The following HSPA4 variants were observed in gnomAD, a reference collection of about 807,000 sequenced individuals.
HSPA4 encodes the protein heat shock protein family A (Hsp70) member 4, also known as heat shock 70 kDa protein 4.
In HSPA4, 25 loss-of-function variants were observed where a neutral mutation model predicts 106.2. That is an observed-to-expected ratio of 0.24 (90% CI 0.17 to 0.33). The LOEUF (loss-of-function observed/expected upper bound fraction) is 0.33. Ranked by LOEUF, HSPA4 falls within the 10% of genes least tolerant of loss-of-function variation. The probability of loss-of-function intolerance (pLI) is 1.00; values close to 1 mark genes in which losing one functional copy is unlikely to be tolerated. For missense variants in HSPA4, 841 were observed against 996.0 expected, an observed-to-expected ratio of 0.84 and a Z score of 2.10; for synonymous variants, 332 against 333.6, an observed-to-expected ratio of 1.00 and a Z score of 0.05.
intron 8 of HSPA4, among the ~76,000 whole-genome samples, chr5:133,088,191 A>G (rs1199465661): frequency 6.6e-6 from 1 of 152,172 alleles, no homozygotes; most frequent in East Asian, 1.9e-4. Flanking sequence ...AAATCCCACT[A>G]GCTACCCTTC....
intron 6 of HSPA4, among the ~76,000 whole-genome samples, chr5:133,074,797 A>G (rs1032436237): frequency 6.6e-6 from 1 of 152,230 alleles, no homozygotes; most frequent in African/African-American, 2.4e-5. Context: ...AGGAGGGGCC[A>G]GAGGGTGATT....
intron 7 of HSPA4, among the ~76,000 whole-genome samples, chr5:133,077,137 CA>C (rs1581472118): frequency 6.6e-6 from 1 of 152,302 alleles, no homozygotes; most frequent in East Asian, 1.9e-4. Context: ...TAGTTCTTTA[CA>C]TATGCATTTG....
In HSPA4 at chr5:133,106,221, T is replaced by G. The variant is rs1180304252; in HGVS notation, c.*1785T>G. The stretch of plus-strand genomic sequence containing the variant: ...TTCAAGTTGAAACACGATGATGTGG[T>G]CTGCTTGCTCTCTGCTTAGACAGGC... On this transcript the variant is annotated 3_prime_UTR_variant, in exon 19 of 19. Transcript: ENST00000304858. 2 of 140,646 alleles carry G rather than the reference T, an allele frequency of 1.4e-5. No individual in the cohort carries two copies. Among genetic ancestry groups the G allele is most frequent in the Non-Finnish European group, 3.0e-5 (2 of 66,020 alleles). The allele number at this position is 140,646 out of a possible 1,614,324, so 8.7% of individuals were successfully genotyped here. A position where few individuals can be genotyped will look rare whatever the true frequency, so the allele number is the denominator to read the frequency against.
intron 1 of HSPA4, among the ~76,000 whole-genome samples, chr5:133,058,686 CA>C (rs1360313657): frequency 6.7e-6 from 1 of 150,362 alleles, no homozygotes; most frequent in Admixed American, 6.6e-5. Flanking sequence ...CTCAAAACCC[CA>C]AAAACAAAAC....
rs562601942 is a variant in HSPA4, at chr5:133,077,327, C to T, written c.908+429C>T. 3.9e-5 allele frequency among the ~76,000 whole-genome samples: 6 copies of T among 152,136 alleles called. No individual in the cohort carries two copies. In the South Asian group the frequency reaches 8.3e-4, roughly 21 times the overall value. Reference sequence around the variant, plus strand: ...AATCTCAACTCACTGCAACCTCCACCCCCAGGTTCAAGCGATTCTCCTGCC... The same window carrying T: ...AATCTCAACTCACTGCAACCTCCACTCCCAGGTTCAAGCGATTCTCCTGCC... On this transcript the variant is annotated intron_variant, in intron 7 of 18. Transcript: ENST00000304858.
chr5:133,053,770 C>T (rs1200174359), intron 1 of HSPA4, among the ~76,000 whole-genome samples: 1 of 152,048 alleles, frequency 6.6e-6, no homozygotes, highest in African/African-American at 2.4e-5. Flanking sequence ...TGCGATTCTC[C>T]TGCCTCAGTC....
chr5:133,090,958 TC>T, intron 11 of HSPA4: 2 of 560,050 alleles, frequency 3.6e-6, no homozygotes, highest in Non-Finnish European at 6.5e-6. Context: ...AAGGAAAGAA[TC>T]GGGAGATATT....
chr5:133,088,373 TA>T (rs760911025), intron 8 of HSPA4, 30 bp from the exon 9 acceptor site: 5 of 1,468,708 alleles, frequency 3.4e-6, no homozygotes, highest in Middle Eastern at 1.7e-4. Flanking sequence ...TTCATTTCAT[TA>T]AAAAAATCTG....
chr5:133,066,217 G>A (rs1178583556), intron 2 of HSPA4, among the ~76,000 whole-genome samples: 1 of 152,170 alleles, frequency 6.6e-6, no homozygotes, highest in Non-Finnish European at 1.5e-5. Flanking sequence ...CAGAGTTTCT[G>A]TTTGGCAGCT....
At chr5:133,062,795 G>T (rs910084790) in intron 1 of HSPA4, among the ~76,000 whole-genome samples, 20 of 152,184 alleles carry the variant, frequency 1.3e-4, no homozygotes, top group Non-Finnish European at 1.5e-5. Flanking sequence ...TCCTGTGGCT[G>T]CCCTGGGAGA....
At chr5:133,099,769 T>C in intron 16 of HSPA4, 117 bp downstream of exon 16, 1 of 509,186 alleles carries the variant, frequency 2.0e-6, no homozygotes, top group Non-Finnish European at 3.7e-6. Flanking sequence ...TTTGATGAAC[T>C]AAAATAAACC....
At chr5:133,100,330 A>C (rs1275971964) in intron 16 of HSPA4, among the ~76,000 whole-genome samples, 3 of 151,870 alleles carry the variant, frequency 2.0e-5, no homozygotes, top group Middle Eastern at 6.8e-3. Flanking sequence ...TGGCCTCCCG[A>C]AGTGCTGGAA....
chr5:133,060,775 A>G (rs1343983655), intron 1 of HSPA4, among the ~76,000 whole-genome samples: 4 of 149,756 alleles, frequency 2.7e-5, no homozygotes, highest in Non-Finnish European at 5.9e-5. Flanking sequence ...ATAATTTTAA[A>G]GGTAGCTGAC....
rs865943834 is a variant in HSPA4 at position 133,097,198 on chromosome 5, G to A, written c.1841G>A (p.Arg614Gln). ...ATGCAGGATAAACTGGAGAAGGAGC[G>A]GAATGATGCTAAGAACGCAGTGGAG... is the stretch of plus-strand genomic sequence containing the variant. ...MIMQDKLEKERNDAKNAVEEY... is the reference protein window; with the variant it reads ...MIMQDKLEKEQNDAKNAVEEY... The change falls in exon 15 of 19, where the codon CGG (arginine) becomes CAG (glutamine). Residue 614 changes from arginine to glutamine, a missense_variant. This residue lies in a region of HSPA4 where 328 missense variants were observed against 372.2 expected (regional missense o/e 0.88). Coordinates refer to ENST00000304858, the MANE Select transcript of HSPA4 (RefSeq NM_002154.4). 1.2e-6 allele frequency: 2 copies of A among 1,611,140 alleles called. No individual in the cohort carries two copies. Among genetic ancestry groups the A allele is most frequent in the Non-Finnish European group, 8.5e-7 (1 of 1,177,576 alleles).
chr5:133,080,808 C>T (rs1350369607), intron 7 of HSPA4, among the ~76,000 whole-genome samples: 3 of 151,846 alleles, frequency 2.0e-5, no homozygotes, highest in African/African-American at 4.8e-5. Context: ...TGTTCTAGGT[C>T]TTTCTAATTC....
chr5:133,102,071 C>T (rs538644909), intron 17 of HSPA4, among the ~76,000 whole-genome samples, 193 bp downstream of exon 17: 3 of 152,028 alleles, frequency 2.0e-5, no homozygotes, highest in East Asian at 1.9e-4. Context: ...GGATTACAGG[C>T]GTGCACCACC....
intron 10 of HSPA4, 91 bp downstream of exon 10, chr5:133,089,252 C>A: frequency 1.3e-6 from 1 of 745,258 alleles, no homozygotes; most frequent in Non-Finnish European, 2.2e-6. Flanking sequence ...TTACATAAAT[C>A]TGTAACATTT....
intron 13 of HSPA4, among the ~76,000 whole-genome samples, chr5:133,093,683 G>A (rs923831534): frequency 6.6e-6 from 1 of 151,952 alleles, no homozygotes; most frequent in East Asian, 2.0e-4. Flanking sequence ...TAGAGACAGG[G>A]TTTCTCCATG....
At chr5:133,087,772 C>T (rs138318072) in intron 8 of HSPA4, among the ~76,000 whole-genome samples, 1,829 of 152,190 alleles carry the variant, frequency 0.012, 69 homozygotes, top group Admixed American at 0.068. Flanking sequence ...TACAGGCATG[C>T]GCCACTACTT....
Sources: allele counts gnomAD v4.1 joint callset (sites outside exome capture counted in the v4.1 genomes callset), GRCh38; gene constraint gnomAD v4.1.1; regional missense constraint gnomAD v4.1.1; transcripts MANE v1.5; gene names NCBI Gene and HGNC (gene_info 2026-07-23, HGNC 2026-07-21).